Variants in PMFBP1 observed in about 807,000 individuals in gnomAD.
The protein encoded by PMFBP1 is polyamine-modulated factor 1-binding protein 1.
A neutral mutation model predicts 137.8 loss-of-function variants in PMFBP1; 131 were observed. The ratio of observed to expected loss-of-function variants is 0.95; its 90% CI spans 0.82 to 1.10. The LOEUF (loss-of-function observed/expected upper bound fraction) is 1.10, where lower values mean the gene tolerates loss of function less well. PMFBP1 is among the 50% of genes least tolerant of loss of function. The probability of loss-of-function intolerance (pLI) is 0.00; values close to 1 mark genes in which losing one functional copy is unlikely to be tolerated. For missense variants in PMFBP1, 1,199 were observed against 1,175.4 expected, an observed-to-expected ratio of 1.02 and a Z score of -0.29; for synonymous variants, 490 against 450.4, an observed-to-expected ratio of 1.09 and a Z score of -1.11.
intron 1 of PMFBP1, chr16:72,171,507 T>C (rs2043220206): frequency 2.4e-6 from 1 of 418,234 alleles, no homozygotes; most frequent in Non-Finnish European, 4.3e-6. Flanking sequence ...ACCAAACAGT[T>C]TCTGAATTTA....
At chr16:72,203,094 A>G in the PMFBP1 span, among the ~76,000 whole-genome samples, 1 of 152,200 alleles carries the variant, frequency 6.6e-6, no homozygotes, top group Non-Finnish European at 1.5e-5. Flanking sequence ...AGTTCTTTGC[A>G]AAAAGCTAGG....
chr16:72,160,089 C>A (rs920579048), intron 3 of PMFBP1, among the ~76,000 whole-genome samples: 1 of 152,216 alleles, frequency 6.6e-6, no homozygotes, highest in African/African-American at 2.4e-5. Context: ...TTCATCCCTA[C>A]TTGTGGTCAA....
intron 1 of PMFBP1, 189 bp from the exon 2 acceptor site, chr16:72,171,457 C>A: frequency 2.0e-6 from 1 of 494,198 alleles, no homozygotes; most frequent in East Asian, 3.1e-5. Flanking sequence ...ATGGCAGGAC[C>A]ATGGTTTTAC....
chr16:72,150,829 C>G lies in PMFBP1; in HGVS notation c.415G>C (p.Val139Leu), dbSNP rs377065867. Residue 139 changes from valine to leucine, a missense_variant and splice_region_variant, in exon 5 of 21, where the codon GTG becomes CTG. Physicochemically the swap from Val to Leu is conservative, Grantham distance 32. Transcript: ENST00000237353. ...CCCATTTCCTCCTCATAGAGAATCACCTGTAGGTGTAGGAATAAATCCACA... is the reference window on the plus strand; with the variant it reads ...CCCATTTCCTCCTCATAGAGAATCAGCTGTAGGTGTAGGAATAAATCCACA... ...HHHCKLKEDE[V>L]ILYEEEMGNH... 1 of 1,612,054 alleles carries G rather than the reference C, an allele frequency of 6.2e-7. No homozygotes were observed. Among genetic ancestry groups the G allele is most frequent in the Non-Finnish European group, 8.5e-7 (1 of 1,179,128 alleles).
chr16:72,159,723 C>T (rs1244746606), intron 3 of PMFBP1, among the ~76,000 whole-genome samples: 1 of 151,834 alleles, frequency 6.6e-6, no homozygotes, highest in African/African-American at 2.4e-5. Context: ...ATGGATGAAG[C>T]CTACATTTCA....
chr16:72,124,728 G>A, intron 17 of PMFBP1, 39 bp downstream of exon 17: 1 of 1,598,782 alleles, frequency 6.3e-7, no homozygotes, highest in South Asian at 1.1e-5. Flanking sequence ...GTGCCTGGAG[G>A]CACTGAGAGG....
chr16:72,203,682 G>C, the PMFBP1 span, among the ~76,000 whole-genome samples: 21 of 152,236 alleles, frequency 1.4e-4, no homozygotes, highest in African/African-American at 4.6e-4. Flanking sequence ...GATCACCAAC[G>C]AGGCAGCAGT....
intron 8 of PMFBP1, 23 bp from the exon 9 acceptor site, chr16:72,136,628 C>T: frequency 6.2e-7 from 1 of 1,614,092 alleles, no homozygotes; most frequent in South Asian, 1.1e-5. Flanking sequence ...GGGACAGAGT[C>T]TATGCTCAGG....
chr16:72,124,677 C>A, intron 17 of PMFBP1, 90 bp downstream of exon 17: 5 of 1,484,270 alleles, frequency 3.4e-6, no homozygotes, highest in South Asian at 1.3e-5. Flanking sequence ...GGCTCTCCCA[C>A]CCCCACCAAG....
the PMFBP1 span, among the ~76,000 whole-genome samples, chr16:72,220,549 C>A: frequency 5.9e-5 from 9 of 152,114 alleles, no homozygotes; most frequent in African/African-American, 2.2e-4. Context: ...TTGATAAATT[C>A]TTTTGCATTT....
chr16:72,184,696 T>G, the PMFBP1 span, among the ~76,000 whole-genome samples: 3 of 152,200 alleles, frequency 2.0e-5, no homozygotes, highest in African/African-American at 7.2e-5. Flanking sequence ...ATATATTGCA[T>G]CAGTGAAAGG....
chr16:72,239,915 A>AAAAAT, the PMFBP1 span, among the ~76,000 whole-genome samples: 1 of 145,144 alleles, frequency 6.9e-6, no homozygotes, highest in Non-Finnish European at 1.5e-5. Flanking sequence ...AAAAAAAAAA[A>AAAAAT]AAGAATGTTC....
chr16:72,214,270 C>T, the PMFBP1 span, among the ~76,000 whole-genome samples: 1 of 152,080 alleles, frequency 6.6e-6, no homozygotes, highest in Non-Finnish European at 1.5e-5. Flanking sequence ...TCTCGGCTCA[C>T]TGCAACCTCT....
At chr16:72,157,197 A>C (rs576462176) in intron 3 of PMFBP1, among the ~76,000 whole-genome samples, 17,307 of 147,696 alleles carry the variant, frequency 0.12, 1,746 homozygotes, top group South Asian at 0.18. Context: ...AAAAAAAAAA[A>C]AAAAAAAAAA....
At chr16:72,130,421 T>C (rs1371934088) in intron 11 of PMFBP1, 64 bp from the exon 12 acceptor site, 1 of 1,610,094 alleles carries the variant, frequency 6.2e-7, no homozygotes, top group East Asian at 2.2e-5. Flanking sequence ...ATTGTGGAGC[T>C]GACCCAATGG....
chr16:72,139,771 G>A (rs531821948), intron 6 of PMFBP1, among the ~76,000 whole-genome samples: 1 of 152,116 alleles, frequency 6.6e-6, no homozygotes, highest in African/African-American at 2.4e-5. Flanking sequence ...CTTATGGAGT[G>A]TGTAATTGTG....
chr16:72,187,358 T>C, the PMFBP1 span, among the ~76,000 whole-genome samples: 1 of 152,096 alleles, frequency 6.6e-6, no homozygotes, highest in African/African-American at 2.4e-5. Context: ...CTGTCTGGGG[T>C]ACTAGTCAAG....
At chr16:72,165,694 A>G (rs2043135351) in intron 2 of PMFBP1, among the ~76,000 whole-genome samples, 1 of 152,180 alleles carries the variant, frequency 6.6e-6, no homozygotes, top group African/African-American at 2.4e-5. Context: ...CTGGGATTAC[A>G]GGCATGAGCC....
At chr16:72,127,017 CT>C (rs2042470835) in intron 14 of PMFBP1, among the ~76,000 whole-genome samples, 1 of 152,210 alleles carries the variant, frequency 6.6e-6, no homozygotes. Context: ...AACTAGCCTT[CT>C]TATATACTTT....
Sources: allele counts gnomAD v4.1 joint callset (sites outside exome capture counted in the v4.1 genomes callset), GRCh38; gene constraint gnomAD v4.1.1; transcripts MANE v1.5; gene names NCBI Gene and HGNC (gene_info 2026-07-23, HGNC 2026-07-21).